AHNAK: variants seen among roughly 807,000 people sequenced by gnomAD.
AHNAK encodes the protein neuroblast differentiation-associated protein AHNAK.
Under a neutral mutation model 37.8 loss-of-function variants are expected in AHNAK, and 23 were observed. The ratio of observed to expected loss-of-function variants is 0.61; its 90% CI spans 0.44 to 0.86. The LOEUF (loss-of-function observed/expected upper bound fraction) is 0.86. AHNAK is among the 40% of genes least tolerant of loss of function. AHNAK has a pLI of 0.00. For synonymous variants in AHNAK, 2,481 were observed against 2,636.3 expected (o/e 0.94, Z 1.80); for missense variants, 7,411 against 7,319.4 (o/e 1.01, Z -0.46).
At chr11:62,488,072 A>G (rs188269855) in intron 5 of AHNAK, among the ~76,000 whole-genome samples, 202 of 152,350 alleles carry the variant, frequency 1.3e-3, no homozygotes, top group Non-Finnish European at 1.8e-3. Context: ...TCTAAGCTCC[A>G]CAGACTTTCT....
At chr11:62,542,899 C>T (rs1485410022) in intron 1 of AHNAK, among the ~76,000 whole-genome samples, 1 of 152,202 alleles carries the variant, frequency 6.6e-6, no homozygotes, top group Non-Finnish European at 1.5e-5. Context: ...CTGCCCCACC[C>T]AAGGCCGGGA....
At position 62,525,676 on chromosome 11, in the gene AHNAK, A is replaced by G. The variant is rs770408731; in HGVS notation, c.8741T>C (p.Val2914Ala). The change falls in exon 5 of 5, where the codon GTG (valine) becomes GCG (alanine). Residue 2914 changes from valine to alanine, a missense_variant. Coordinates refer to ENST00000378024, the MANE Select transcript of AHNAK (RefSeq NM_001620.3). ...MPGFKAEGPE[V>A]DVNLPKADVD... Reference sequence around the variant, plus strand: ...GTCAGCCTTGGGCAGGTTCACATCCACTTCAGGGCCCTCTGCTTTGAAGCC... The same window carrying G: ...GTCAGCCTTGGGCAGGTTCACATCCGCTTCAGGGCCCTCTGCTTTGAAGCC... 2 of 1,612,902 alleles carry G rather than the reference A, an allele frequency of 1.2e-6. No individual in the cohort carries two copies. Among genetic ancestry groups the G allele is most frequent in the Admixed American group, 1.7e-5 (1 of 59,846 alleles).
intron 1 of AHNAK, among the ~76,000 whole-genome samples, chr11:62,544,490 C>T (rs747630355): frequency 1.1e-4 from 17 of 152,118 alleles, no homozygotes; most frequent in Non-Finnish European, 1.9e-4. Context: ...GGCTCAGACA[C>T]CCTCTAACCC....
intron 4 of AHNAK, among the ~76,000 whole-genome samples, chr11:62,508,720 G>A (rs527437518): frequency 2.6e-5 from 4 of 152,350 alleles, no homozygotes; most frequent in East Asian, 1.9e-4. Context: ...CTGACGCCAC[G>A]GGGCAATTCA....
At chr11:62,479,167 CTTT>C (rs33929407) in intron 5 of AHNAK, among the ~76,000 whole-genome samples, 1 of 116,248 alleles carries the variant, frequency 8.6e-6, no homozygotes. Context: ...TTTCTTTTTT[CTTT>C]TTTTTTTTTT....
In AHNAK at chr11:62,455,771, A is replaced by G. The variant is rs147996567; in HGVS notation, c.443-21880T>C. On this transcript the variant is annotated intron_variant, in intron 5 of 5. Coordinates refer to the AHNAK transcript ENST00000257247. ...TCCCAGCTACTAGGGAGGCTGAGGC[A>G]GGAGAATCGCTTGAACCTGGGAGGC... Among the ~76,000 whole-genome samples the G allele has an allele frequency of 3.2e-4, 48 of 152,136 alleles. No homozygotes were observed. In the East Asian group the frequency reaches 7.9e-3, roughly 25 times the overall value.
chr11:62,528,465 G>A lies in AHNAK; in HGVS notation c.5952C>T (p.Phe1984=). 1 of 1,613,512 alleles carries A rather than the reference G, an allele frequency of 6.2e-7. No homozygotes were observed. Among genetic ancestry groups the A allele is most frequent in the South Asian group, 1.1e-5 (1 of 91,044 alleles). ...GPKFKMPEMH[F]KTPKISMPDV... is the part of the protein sequence containing the mutation. Reference sequence around the variant, plus strand: ...CAGGCATGGAGATCTTGGGGGTCTTGAAGTGCATCTCAGGCATCTTAAACT... The same window carrying A: ...CAGGCATGGAGATCTTGGGGGTCTTAAAGTGCATCTCAGGCATCTTAAACT... Residue 1984 remains phenylalanine, a synonymous_variant, in exon 5 of 5, where the codon TTC becomes TTT. Transcript: ENST00000378024.
rs373261560 is a variant in AHNAK at position 62,463,849 on chromosome 11, C to A, written c.442+27883G>T. 1.2e-3 allele frequency among the ~76,000 whole-genome samples: 177 copies of A among 152,044 alleles called. 1 individual carries two copies. Among genetic ancestry groups the A allele is most frequent in the African/African-American group, 4.1e-3 (168 of 41,458 alleles). ...TACGATCTCGGCTCACTGCAACCTC[C>A]GCCTCCCAGGTTCAAACAATTCTCC... On this transcript the variant is annotated intron_variant, in intron 5 of 5. Coordinates refer to the AHNAK transcript ENST00000257247.
intron 1 of AHNAK, among the ~76,000 whole-genome samples, chr11:62,545,312 G>A (rs529006068): frequency 2.0e-5 from 3 of 152,306 alleles, no homozygotes; most frequent in Admixed American, 6.5e-5. Context: ...CTTGTTGTGG[G>A]GCCTCGGCTA....
At chr11:62,486,607 C>T (rs548130281) in intron 5 of AHNAK, among the ~76,000 whole-genome samples, 1 of 152,142 alleles carries the variant, frequency 6.6e-6, no homozygotes, top group South Asian at 2.1e-4. Flanking sequence ...TGTTGAATGG[C>T]TACAGCGTTT....
intron 4 of AHNAK, among the ~76,000 whole-genome samples, chr11:62,497,028 A>C (rs1158814056): frequency 6.6e-6 from 1 of 152,186 alleles, no homozygotes; most frequent in Non-Finnish European, 1.5e-5. Context: ...TTTTCCTTTT[A>C]AAATGTACTT....
chr11:62,504,679 T>C (rs906137475), intron 4 of AHNAK, among the ~76,000 whole-genome samples: 3 of 151,800 alleles, frequency 2.0e-5, no homozygotes, highest in African/African-American at 7.3e-5. Context: ...GACCCAAGGT[T>C]GTCAAAAGCC....
rs1940826288 is a variant in AHNAK at position 62,533,268 on chromosome 11, G to C, written c.1149C>G (p.Asp383Glu). The change falls in exon 5 of 5, where the codon GAC (aspartate) becomes GAG (glutamate). Residue 383 changes from aspartate (D) to glutamate (E), a missense_variant. Transcript: ENST00000378024. ...PQITGPSLEGDLGLKGAKPQG... is the reference protein window; with the variant it reads ...PQITGPSLEGELGLKGAKPQG... The stretch of plus-strand genomic sequence containing the variant: ...GTGGCTTGGCACCTTTCAGGCCTAG[G>C]TCACCCTCAAGTGATGGCCCAGTGA... The C allele has an allele frequency of 1.3e-6, 2 of 1,527,186 alleles. No homozygotes were observed. Among genetic ancestry groups the C allele is most frequent in the Admixed American group, 4.5e-5 (2 of 44,502 alleles). 94.6% of individuals were successfully genotyped at this position (1,527,186 alleles called of 1,614,324 possible).
At chr11:62,485,460 T>C (rs1335780928) in intron 5 of AHNAK, among the ~76,000 whole-genome samples, 3 of 151,928 alleles carry the variant, frequency 2.0e-5, no homozygotes, top group Admixed American at 2.0e-4. Context: ...CCCAGCACTT[T>C]GGGAGTCCGA....
chr11:62,456,173 T>C (rs917490985), intron 5 of AHNAK, among the ~76,000 whole-genome samples: 1 of 152,162 alleles, frequency 6.6e-6, no homozygotes, highest in Non-Finnish European at 1.5e-5. Flanking sequence ...AAGCTAACCC[T>C]GCAGACACCT....
chr11:62,459,835 C>T (rs1783180), intron 5 of AHNAK, among the ~76,000 whole-genome samples: 27,385 of 152,040 alleles, frequency 0.18, 4,312 homozygotes, highest in African/African-American at 0.43. Flanking sequence ...TGGCTTTAGA[C>T]GTGTGTACCA....
At position 62,529,933 on chromosome 11, in the gene AHNAK, TTAA is replaced by T. The variant is rs763341661; in HGVS notation, c.4481_4483del (p.Ile1494del). On this transcript the variant is annotated inframe_deletion, in exon 5 of 5. Coordinates refer to ENST00000378024, the MANE Select transcript of AHNAK (RefSeq NM_001620.3). ...GCCATGAACCTCCACATCTGGTGCATTAATATCAACTTTGGGGCCTTTGATGTC... is the reference window on the plus strand; with the variant it reads ...GCCATGAACCTCCACATCTGGTGCATTATCAACTTTGGGGCCTTTGATGTC... The T allele has an allele frequency of 1.7e-5, 27 of 1,605,530 alleles. No individual in the cohort carries two copies. The African/African-American group carries it at 3.0e-4, about 18-fold the overall frequency.
In AHNAK at chr11:62,523,177, A is replaced by G. The variant is rs780378575; in HGVS notation, c.11240T>C (p.Met3747Thr). Residue 3747 changes from methionine to threonine, a missense_variant, in exon 5 of 5, where the codon ATG becomes ACG. Physicochemically the swap from Met to Thr is moderately conservative, Grantham distance 81 (BLOSUM62 -1). Transcript: ENST00000378024. Reference sequence around the variant, plus strand: ...CTTCAGGTTTAAATCAATGTCAGGCATCGATATTTTGGGAGCCTTCAGGTG... The same window carrying G: ...CTTCAGGTTTAAATCAATGTCAGGCGTCGATATTTTGGGAGCCTTCAGGTG... Reference protein sequence around the residue: ...EMHLKAPKISMPDIDLNLKGP... With the variant: ...EMHLKAPKISTPDIDLNLKGP... The G allele has an allele frequency of 6.2e-7, 1 of 1,614,072 alleles. No individual in the cohort carries two copies. The highest frequency in any genetic ancestry group is 1.7e-5 in the Admixed American group (1 of 60,010).
intron 5 of AHNAK, among the ~76,000 whole-genome samples, chr11:62,473,929 G>C (rs775394105): frequency 6.4e-4 from 96 of 151,002 alleles, no homozygotes; most frequent in Non-Finnish European, 1.0e-3. Flanking sequence ...GAGGCTTGGA[G>C]GTTGAGGCTG....
Sources: gnomAD v4.1 joint callset for allele counts (sites outside exome capture counted in the v4.1 genomes callset) on GRCh38, gnomAD v4.1.1 for gene constraint, MANE v1.5 for transcripts, NCBI Gene and HGNC (gene_info 2026-07-23, HGNC 2026-07-21) for gene names.